MAP2: variants seen among roughly 807,000 people sequenced by gnomAD.
MAP2 encodes microtubule-associated protein 2.
A neutral mutation model predicts 137.6 loss-of-function variants in MAP2; 14 were observed. The ratio of observed to expected loss-of-function variants is 0.10; its 90% CI spans 0.07 to 0.16. MAP2 has a LOEUF of 0.16. Ranked by LOEUF, MAP2 falls within the 10% of genes least tolerant of loss-of-function variation. The pLI is 1.00. For synonymous variants in MAP2, 786 were observed against 782.3 expected, an observed-to-expected ratio of 1.00 and a Z score of -0.08; for missense variants, 2,088 against 2,191.5, an observed-to-expected ratio of 0.95 and a Z score of 0.94.
At chr2:209,715,496 G>A (rs996565085) in intron 13 of MAP2, among the ~76,000 whole-genome samples, 1 of 151,812 alleles carries the variant, frequency 6.6e-6, no homozygotes, top group African/African-American at 2.4e-5. Flanking sequence ...TACATTCTAG[G>A]AGGAAAGGTG....
At chr2:209,544,033 T>A (rs554529591) in intron 2 of MAP2, among the ~76,000 whole-genome samples, 1 of 152,190 alleles carries the variant, frequency 6.6e-6, no homozygotes, top group East Asian at 1.9e-4. Context: ...ATCGAGACCA[T>A]CTTGGCTAAC....
At chr2:209,582,238 T>G (rs1260479008) in intron 3 of MAP2, among the ~76,000 whole-genome samples, 1 of 152,146 alleles carries the variant, frequency 6.6e-6, no homozygotes, top group Non-Finnish European at 1.5e-5. Flanking sequence ...TCTGGTCATT[T>G]TTTTTTTAGT....
intron 2 of MAP2, among the ~76,000 whole-genome samples, chr2:209,572,174 G>A (rs1220796696): frequency 6.6e-6 from 1 of 151,868 alleles, no homozygotes; most frequent in African/African-American, 2.4e-5. Context: ...ATTAAAGCCT[G>A]ATTCAAGAGC....
At chr2:209,558,446 C>T (rs898552385) in intron 2 of MAP2, among the ~76,000 whole-genome samples, 6 of 152,100 alleles carry the variant, frequency 3.9e-5, no homozygotes, top group African/African-American at 1.4e-4. Context: ...GCCTCAGCCT[C>T]CCAGCGTGCT....
At chr2:209,637,543 CATAAG>C (rs1354114722) in intron 4 of MAP2, among the ~76,000 whole-genome samples, 1 of 151,894 alleles carries the variant, frequency 6.6e-6, no homozygotes, top group African/African-American at 2.4e-5. Context: ...GATGAGGTGA[CATAAG>C]ATAAGATAGG....
At position 209,545,755 on chromosome 2, in the gene MAP2, T is replaced by C. The variant is rs527732116; in HGVS notation, c.-171-34281T>C. 2.6e-5 allele frequency among the ~76,000 whole-genome samples: 4 copies of C among 152,350 alleles called. No individual in the cohort carries two copies. The South Asian group carries it at 6.2e-4, about 24-fold the overall frequency. On this transcript the variant is annotated intron_variant, in intron 2 of 15. Coordinates refer to ENST00000682079, the MANE Select transcript of MAP2 (RefSeq NM_001375505.1). ...TTGTGACATCAAATCTGTACAGTTA[T>C]GCTTTATAAATTATGGATTGAATGT...
chr2:209,474,444 G>C lies in MAP2; in HGVS notation c.-221-33148G>C, dbSNP rs550581550. 2.0e-5 allele frequency among the ~76,000 whole-genome samples: 3 copies of C among 152,066 alleles called. No homozygotes were observed. The East Asian group carries it at 5.8e-4, about 29-fold the overall frequency. On this transcript the variant is annotated intron_variant, in intron 1 of 15. Transcript: ENST00000682079. ...TAATTATTTATTGCTTATTCCACCAGCCCAGGAACAATGCACAGTCTATAA... is the reference window on the plus strand; with the variant it reads ...TAATTATTTATTGCTTATTCCACCACCCCAGGAACAATGCACAGTCTATAA...
intron 3 of MAP2, among the ~76,000 whole-genome samples, chr2:209,583,261 A>G (rs1388719442): frequency 2.6e-5 from 4 of 151,982 alleles, no homozygotes; most frequent in Admixed American, 2.0e-4. Flanking sequence ...TTCAAGCTCT[A>G]TTGTATTTTA....
intron 1 of MAP2, among the ~76,000 whole-genome samples, chr2:209,494,767 T>C (rs1243939390): frequency 6.6e-6 from 1 of 152,214 alleles, no homozygotes; most frequent in Non-Finnish European, 1.5e-5. Flanking sequence ...CTTCCAAAGT[T>C]TTTGTCCCAC....
intron 2 of MAP2, among the ~76,000 whole-genome samples, chr2:209,546,768 C>T (rs1314425375): frequency 1.3e-5 from 2 of 152,140 alleles, no homozygotes; most frequent in African/African-American, 2.4e-5. Context: ...GCATGGCTTC[C>T]AAAACCATGT....
At chr2:209,568,642 A>G (rs1233105487) in intron 2 of MAP2, among the ~76,000 whole-genome samples, 1 of 151,906 alleles carries the variant, frequency 6.6e-6, no homozygotes, top group Non-Finnish European at 1.5e-5. Context: ...GTTTTCAAAA[A>G]CAAATCAGGT....
At chr2:209,710,286 A>T in intron 13 of MAP2, 32 bp downstream of exon 13, 1 of 1,496,924 alleles carries the variant, frequency 6.7e-7, no homozygotes. Context: ...ATTTGCTGCC[A>T]GAAATAATTA....
At position 209,696,355 on chromosome 2, in the gene MAP2, G is replaced by A. The variant is rs1361811850; in HGVS notation, c.4180+5G>A. The A allele has an allele frequency of 6.5e-7, 1 of 1,533,490 alleles. No individual in the cohort carries two copies. Among genetic ancestry groups the A allele is most frequent in the African/African-American group, 1.4e-5 (1 of 71,812 alleles). 95.0% of individuals were successfully genotyped at this position (1,533,490 alleles called of 1,614,324 possible). A position where few individuals can be genotyped will look rare whatever the true frequency, so the allele number is the denominator to read the frequency against. On this transcript the variant is annotated splice_donor_5th_base_variant and intron_variant, in intron 8 of 15. Transcript: ENST00000682079. ...GCCTCTGGGTGGACACTCAAGGTGT[G>A]CATTATTATTATTATTATTTTAACT...
chr2:209,719,712 A>G (rs2153798018), intron 13 of MAP2, among the ~76,000 whole-genome samples: 1 of 152,350 alleles, frequency 6.6e-6, no homozygotes, highest in East Asian at 1.9e-4. Context: ...AGGAATATCC[A>G]GAAAGAAATT....
chr2:209,658,707 A>C (rs1270722209), intron 5 of MAP2, among the ~76,000 whole-genome samples: 3 of 152,090 alleles, frequency 2.0e-5, no homozygotes, highest in South Asian at 4.2e-4. Context: ...GGGTTTCACC[A>C]TGTTGGCCAG....
intron 3 of MAP2, among the ~76,000 whole-genome samples, chr2:209,619,113 G>A (rs1172096653): frequency 2.0e-5 from 3 of 152,136 alleles, no homozygotes; most frequent in East Asian, 1.9e-4. Context: ...GTTATCAGGA[G>A]CTGTGGCAGT....
intron 3 of MAP2, among the ~76,000 whole-genome samples, chr2:209,582,752 A>G (rs2076779641): frequency 6.6e-6 from 1 of 152,144 alleles, no homozygotes; most frequent in Non-Finnish European, 1.5e-5. Flanking sequence ...CTAGAATCAC[A>G]TGGCTTTAGA....
At chr2:209,681,574 C>G (rs919579429) in intron 7 of MAP2, among the ~76,000 whole-genome samples, 4 of 152,174 alleles carry the variant, frequency 2.6e-5, no homozygotes, top group Admixed American at 1.3e-4. Context: ...GGTTCTCCGA[C>G]TTAGTCCAGT....
In MAP2 at chr2:209,487,173, A is replaced by G. The variant is rs144047633; in HGVS notation, c.-221-20419A>G. Among the ~76,000 whole-genome samples the G allele has an allele frequency of 2.2e-4, 34 of 152,354 alleles. No homozygotes were observed. In the East Asian group the frequency reaches 6.0e-3, roughly 27 times the overall value. On this transcript the variant is annotated intron_variant, in intron 1 of 15. Coordinates refer to ENST00000682079, the MANE Select transcript of MAP2 (RefSeq NM_001375505.1). The stretch of plus-strand genomic sequence containing the variant: ...TATTAAATTATGTAGAACTTTAGTT[A>G]TAACAGCAACACAGAAGGAGTTACC...
Sources: gnomAD v4.1 joint callset for allele counts (sites outside exome capture counted in the v4.1 genomes callset) on GRCh38, gnomAD v4.1.1 for gene constraint, MANE v1.5 for transcripts, NCBI Gene and HGNC (gene_info 2026-07-23, HGNC 2026-07-21) for gene names.